The following DENND1B variants were observed in gnomAD, a reference collection of about 807,000 sequenced individuals.
The protein encoded by DENND1B is DENN domain containing 1B.
A neutral mutation model predicts 90.1 loss-of-function variants in DENND1B; 59 were observed. The ratio of observed to expected loss-of-function variants is 0.65; its 90% CI spans 0.53 to 0.81. The LOEUF (loss-of-function observed/expected upper bound fraction) is 0.81, where lower values mean the gene tolerates loss of function less well. Among genes scored for constraint, DENND1B ranks in the 40% least tolerant of loss-of-function variants. The probability of loss-of-function intolerance (pLI) is 0.00; values close to 1 mark genes in which losing one functional copy is unlikely to be tolerated. For missense variants in DENND1B, 862 were observed against 912.6 expected, an observed-to-expected ratio of 0.94 and a Z score of 0.71; for synonymous variants, 337 against 324.6, an observed-to-expected ratio of 1.04 and a Z score of -0.41.
At chr1:197,512,799 ATACCCTTT>A (rs1668121764) in intron 21 of DENND1B, 64 bp downstream of exon 21, 11 of 1,410,332 alleles carry the variant, frequency 7.8e-6, no homozygotes, top group Non-Finnish European at 1.1e-5. Context: ...ACTCTTTGAA[ATACCCTTT>A]ATCACCAAAA....
intron 16 of DENND1B, among the ~76,000 whole-genome samples, chr1:197,551,028 G>T (rs1451003359): frequency 6.6e-6 from 1 of 151,408 alleles, no homozygotes; most frequent in East Asian, 1.9e-4. Context: ...TCTCACAAGG[G>T]TAATGTGAAT....
At chr1:197,550,118 T>C (rs1035924798) in intron 16 of DENND1B, among the ~76,000 whole-genome samples, 17 of 152,144 alleles carry the variant, frequency 1.1e-4, no homozygotes, top group Non-Finnish European at 8.8e-5. Context: ...AGGAACACAA[T>C]TTTTTCTTAG....
intron 20 of DENND1B, among the ~76,000 whole-genome samples, chr1:197,524,887 A>G (rs1232603969): frequency 1.3e-5 from 2 of 152,218 alleles, no homozygotes; most frequent in Non-Finnish European, 2.9e-5. Context: ...TAGAGAGAAT[A>G]TGAGAAATCA....
intron 3 of DENND1B, among the ~76,000 whole-genome samples, chr1:197,706,455 C>T (rs772451594): frequency 2.0e-5 from 3 of 152,108 alleles, no homozygotes; most frequent in East Asian, 3.9e-4. Context: ...TAAAAAGCTT[C>T]GGCACAGCCA....
At chr1:197,672,998 G>A (rs1033714572) in intron 4 of DENND1B, among the ~76,000 whole-genome samples, 1 of 151,894 alleles carries the variant, frequency 6.6e-6, no homozygotes, top group African/African-American at 2.4e-5. Flanking sequence ...CTACACTTTG[G>A]TTTTGAAATA....
At chr1:197,555,819 A>G (rs1447712569) in intron 15 of DENND1B, among the ~76,000 whole-genome samples, 1 of 152,268 alleles carries the variant, frequency 6.6e-6, no homozygotes, top group South Asian at 2.1e-4. Flanking sequence ...AACTAAAAAT[A>G]GAATTACCAT....
In DENND1B at chr1:197,527,103, T is replaced by C. The variant is rs117670310; in HGVS notation, c.1515+12861A>G. 6.8e-4 allele frequency among the ~76,000 whole-genome samples: 103 copies of C among 151,812 alleles called. No homozygotes were observed. The East Asian group carries it at 0.02, about 29-fold the overall frequency. On this transcript the variant is annotated intron_variant, in intron 20 of 22. Transcript: ENST00000620048. The stretch of plus-strand genomic sequence containing the variant: ...TCTGTCACATTAACAATATGGAGAG[T>C]GTATTTTTCAAAGTGAACTCAAAAG...
intron 2 of DENND1B, chr1:197,735,467 T>C: frequency 1.3e-6 from 2 of 1,530,754 alleles, no homozygotes; most frequent in Non-Finnish European, 1.8e-6. Context: ...GTACATTTCC[T>C]TTGTTAGAAG....
chr1:197,541,564 GGCCCCA>G (rs1356728789), intron 18 of DENND1B, among the ~76,000 whole-genome samples: 2 of 152,152 alleles, frequency 1.3e-5, no homozygotes, highest in African/African-American at 4.8e-5. Context: ...CAGGGAACCT[GGCCCCA>G]GCATTTGAGT....
In DENND1B at chr1:197,506,354, A is replaced by T. The variant is rs1157931516; in HGVS notation, c.*4106T>A. The stretch of plus-strand genomic sequence containing the variant: ...CTAACAATATTACTGGGTTTGACCC[A>T]GGAACATTAGTACTGACATAGGGTT... On this transcript the variant is annotated 3_prime_UTR_variant, in exon 23 of 23. Coordinates refer to ENST00000620048, the MANE Select transcript of DENND1B (RefSeq NM_001195215.2). 3 of 151,610 alleles carry T rather than the reference A, an allele frequency of 2.0e-5. No homozygotes were observed. 9.4% of individuals were successfully genotyped at this position (151,610 alleles called of 1,614,324 possible). A position where few individuals can be genotyped will look rare whatever the true frequency, so the allele number is the denominator to read the frequency against.
At chr1:197,668,005 T>G (rs1655117037) in intron 5 of DENND1B, among the ~76,000 whole-genome samples, 3 of 152,190 alleles carry the variant, frequency 2.0e-5, no homozygotes, top group Admixed American at 2.0e-4. Flanking sequence ...TATATCCTTT[T>G]AGACTTTTTT....
intron 5 of DENND1B, among the ~76,000 whole-genome samples, chr1:197,668,418 C>T (rs1453071341): frequency 6.6e-6 from 1 of 151,662 alleles, no homozygotes; most frequent in Non-Finnish European, 1.5e-5. Flanking sequence ...GAGGAGGTTA[C>T]AAAATGTACC....
At chr1:197,629,319 C>A (rs935358408) in intron 10 of DENND1B, among the ~76,000 whole-genome samples, 1 of 152,008 alleles carries the variant, frequency 6.6e-6, no homozygotes, top group Non-Finnish European at 1.5e-5. Flanking sequence ...AAATGTGGCA[C>A]ATATACACCA....
In DENND1B at chr1:197,603,398, T is replaced by C. The variant is rs543919067; in HGVS notation, c.921+3675A>G. Reference sequence around the variant, plus strand: ...AACCTCTATGAACTGAATCTATAGATATACCATTAACAGTATACTTTCTGT... The same window carrying C: ...AACCTCTATGAACTGAATCTATAGACATACCATTAACAGTATACTTTCTGT... On this transcript the variant is annotated intron_variant, in intron 13 of 22. Coordinates refer to ENST00000620048, the MANE Select transcript of DENND1B (RefSeq NM_001195215.2). 2.6e-5 allele frequency among the ~76,000 whole-genome samples: 4 copies of C among 151,398 alleles called. No individual in the cohort carries two copies. In the East Asian group the frequency reaches 7.8e-4, roughly 30 times the overall value.
chr1:197,714,265 A>T (rs1332365191), intron 3 of DENND1B, among the ~76,000 whole-genome samples: 1 of 151,952 alleles, frequency 6.6e-6, no homozygotes, highest in Non-Finnish European at 1.5e-5. Flanking sequence ...GAGCCACTGT[A>T]CCCAGCCTTA....
intron 2 of DENND1B, among the ~76,000 whole-genome samples, chr1:197,722,888 G>A (rs1474098441): frequency 6.6e-6 from 1 of 152,068 alleles, no homozygotes; most frequent in African/African-American, 2.4e-5. Context: ...CATAAGCAAT[G>A]GTGGAAATAA....
Position 197,737,219 on chromosome 1 carries a change from T to C in DENND1B, c.83-22145A>G, listed in dbSNP as rs183630221. The stretch of plus-strand genomic sequence containing the variant: ...CATCTCCAACAGAATAGTGGGAAAA[T>C]CATCTGCCCTATGTCGAAGTGGTTG... On this transcript the variant is annotated intron_variant, in intron 2 of 22. Coordinates refer to ENST00000620048, the MANE Select transcript of DENND1B (RefSeq NM_001195215.2). 5.3e-3 allele frequency among the ~76,000 whole-genome samples: 808 copies of C among 152,252 alleles called. 22 individuals carry two copies. The highest frequency in any genetic ancestry group is 0.049 in the Admixed American group (744 of 15,298).
intron 16 of DENND1B, chr1:197,552,288 T>C (rs867637444): frequency 8.1e-6 from 8 of 983,002 alleles, no homozygotes; most frequent in Middle Eastern, 1.0e-3. Flanking sequence ...TTTAGTACAC[T>C]TAATATTTAG....
In DENND1B at chr1:197,600,198, G is replaced by A. The variant is rs552726655; in HGVS notation, c.922-4865C>T. Among the ~76,000 whole-genome samples, 17 of 151,936 alleles carry A rather than the reference G, an allele frequency of 1.1e-4. No homozygotes were observed. In the East Asian group the frequency reaches 3.1e-3, roughly 28 times the overall value. ...GCGGACTAGTAAAAATGGCATCTCA[G>A]TTTGGCTAAAATTATTTTCTTATCA... On this transcript the variant is annotated intron_variant, in intron 13 of 22. Coordinates refer to ENST00000620048, the MANE Select transcript of DENND1B (RefSeq NM_001195215.2).
Sources: allele counts gnomAD v4.1 joint callset (sites outside exome capture counted in the v4.1 genomes callset), GRCh38; gene constraint gnomAD v4.1.1; transcripts MANE v1.5; gene names NCBI Gene and HGNC (gene_info 2026-07-23, HGNC 2026-07-21).